PLXNC1: variants seen among roughly 807,000 people sequenced by gnomAD.
PLXNC1 encodes the protein plexin C1.
PLXNC1 carries 75 observed loss-of-function variants against 178.2 expected under a neutral mutation model. The observed-to-expected ratio is 0.42, with a 90% CI of 0.35 to 0.51. The LOEUF (loss-of-function observed/expected upper bound fraction) is 0.51, where lower values mean the gene tolerates loss of function less well. PLXNC1 is among the 20% of genes least tolerant of loss of function. The pLI is 0.02. For missense variants in PLXNC1, 1,503 were observed against 1,984.4 expected (o/e 0.76, Z 4.61); for synonymous variants, 790 against 779.9 (o/e 1.01, Z -0.22).
intron 5 of PLXNC1, among the ~76,000 whole-genome samples, chr12:94,215,717 A>T (rs2136012572): frequency 6.6e-6 from 1 of 152,294 alleles, no homozygotes; most frequent in South Asian, 2.1e-4. Flanking sequence ...AAGAGGAAAC[A>T]AAAATTATTT....
chr12:94,224,952 C>T (rs11838275), intron 7 of PLXNC1, among the ~76,000 whole-genome samples: 3,268 of 152,146 alleles, frequency 0.021, 124 homozygotes, highest in African/African-American at 0.074. Flanking sequence ...GGAATGGCTT[C>T]GGGAATTTGG....
intron 2 of PLXNC1, among the ~76,000 whole-genome samples, chr12:94,171,949 C>T (rs1309132041): frequency 1.3e-5 from 2 of 152,228 alleles, no homozygotes; most frequent in African/African-American, 4.8e-5. Flanking sequence ...AAGCCTCTCC[C>T]CTGTATCCTG....
At chr12:94,257,649 T>A (rs528681235) in intron 17 of PLXNC1, among the ~76,000 whole-genome samples, 13 of 152,176 alleles carry the variant, frequency 8.5e-5, no homozygotes, top group Non-Finnish European at 1.5e-4. Flanking sequence ...GGCGTGCACC[T>A]GTAATCCCAG....
chr12:94,168,111 T>C lies in PLXNC1; in HGVS notation c.1063-1042T>C, dbSNP rs183326711. 6.6e-5 allele frequency: 10 copies of C among 152,296 alleles called. No homozygotes were observed. In the East Asian group the frequency reaches 1.9e-3, roughly 29 times the overall value. 9.4% of individuals were successfully genotyped at this position (152,296 alleles called of 1,614,324 possible). On this transcript the variant is annotated intron_variant, in intron 1 of 30. Transcript: ENST00000258526. ...AAGTCTTAGCCTCCCCCTCCCCAAA[T>C]AGGGCGATTTTAGGAGTTGCTGTGT...
chr12:94,203,345 G>C (rs753093953), intron 4 of PLXNC1, among the ~76,000 whole-genome samples: 2 of 152,152 alleles, frequency 1.3e-5, no homozygotes, highest in Admixed American at 6.5e-5. Context: ...CATCTACAAG[G>C]CTCTGAGAAG....
intron 15 of PLXNC1, among the ~76,000 whole-genome samples, chr12:94,252,939 C>G (rs954335651): frequency 6.6e-6 from 1 of 152,100 alleles, no homozygotes. Flanking sequence ...TTGGCTGGGC[C>G]CGGTGGCTCA....
intron 4 of PLXNC1, among the ~76,000 whole-genome samples, chr12:94,192,271 G>A (rs1290640515): frequency 6.6e-6 from 1 of 152,150 alleles, no homozygotes; most frequent in Non-Finnish European, 1.5e-5. Context: ...TCGCATGCTA[G>A]CTGGGAAGGC....
intron 9 of PLXNC1, among the ~76,000 whole-genome samples, chr12:94,229,984 A>T (rs959662232): frequency 2.0e-5 from 3 of 152,228 alleles, no homozygotes; most frequent in Admixed American, 2.0e-4. Context: ...CTGCAAAACT[A>T]TAGCAAAACA....
chr12:94,262,520 C>T, intron 20 of PLXNC1: 1 of 985,494 alleles, frequency 1.0e-6, no homozygotes, highest in Non-Finnish European at 1.2e-6. Context: ...GTCAAGACTT[C>T]ACAGTGCTGA....
intron 6 of PLXNC1, among the ~76,000 whole-genome samples, chr12:94,223,918 A>G (rs1279284391): frequency 1.3e-5 from 2 of 152,138 alleles, no homozygotes. Flanking sequence ...AAGCTGAGAT[A>G]GTGATCCCTA....
At chr12:94,241,900 T>A (rs897886323) in intron 11 of PLXNC1, among the ~76,000 whole-genome samples, 7 of 151,638 alleles carry the variant, frequency 4.6e-5, no homozygotes, top group African/African-American at 1.7e-4. Context: ...ATCCTAACGA[T>A]ATTTTCTTTG....
intron 21 of PLXNC1, among the ~76,000 whole-genome samples, chr12:94,274,224 G>A (rs1449870019): frequency 1.3e-5 from 2 of 149,006 alleles, no homozygotes; most frequent in East Asian, 2.0e-4. Context: ...TGTAGTCTCT[G>A]CTATGTGGGA....
At chr12:94,240,186 C>T (rs1964350416) in intron 10 of PLXNC1, among the ~76,000 whole-genome samples, 1 of 152,188 alleles carries the variant, frequency 6.6e-6, no homozygotes, top group Non-Finnish European at 1.5e-5. Flanking sequence ...ATGTAACCCC[C>T]AGTTCATGTT....
At chr12:94,270,095 T>A (rs1256303444) in intron 21 of PLXNC1, among the ~76,000 whole-genome samples, 1 of 152,256 alleles carries the variant, frequency 6.6e-6, no homozygotes, top group Non-Finnish European at 1.5e-5. Flanking sequence ...TATTTATATT[T>A]GTACCCCTCA....
chr12:94,224,398 TC>T, intron 7 of PLXNC1, 83 bp downstream of exon 7: 1 of 851,784 alleles, frequency 1.2e-6, no homozygotes, highest in South Asian at 1.3e-5. Flanking sequence ...CCTAAAGAAC[TC>T]TTTTGTGAGA....
intron 9 of PLXNC1, among the ~76,000 whole-genome samples, chr12:94,232,155 C>T (rs1307114874): frequency 3.3e-5 from 5 of 152,110 alleles, no homozygotes; most frequent in African/African-American, 4.8e-5. Flanking sequence ...GGCACAATCT[C>T]GGCTCACTGC....
rs1041013237 is a variant in PLXNC1, at chr12:94,219,004, TATC to T, written c.1555-1009_1555-1007del. 1.8e-4 allele frequency among the ~76,000 whole-genome samples: 28 copies of T among 152,314 alleles called. 2 individuals are homozygous for T. The highest frequency in any genetic ancestry group is 5.8e-4 in the African/African-American group (24 of 41,572). On this transcript the variant is annotated intron_variant, in intron 5 of 30. Coordinates refer to ENST00000258526, the MANE Select transcript of PLXNC1 (RefSeq NM_005761.3). Reference sequence around the variant, plus strand: ...CATGTGTTTGGATGGGAATAATTAATATCATAAAGACAGAAATTTTTCTAACAT... The same window carrying T: ...CATGTGTTTGGATGGGAATAATTAATATAAAGACAGAAATTTTTCTAACAT...
rs953624244 is a variant in PLXNC1 at position 94,284,097 on chromosome 12, A to AG, written c.3879+1696_3879+1697insG. ...GACTCCATGTCAGGGGAAAAAAAAA[A>AG]AAAAAAAAAAAGCAGGGTTTGCAAA... On this transcript the variant is annotated intron_variant, in intron 23 of 30. Coordinates refer to ENST00000258526, the MANE Select transcript of PLXNC1 (RefSeq NM_005761.3). Among the ~76,000 whole-genome samples, 6 of 151,814 alleles carry AG rather than the reference A, an allele frequency of 4.0e-5. 2 individuals are homozygous for AG. The highest frequency in any genetic ancestry group is 1.4e-4 in the African/African-American group (6 of 41,394).
At chr12:94,254,942 T>C (rs998133478) in intron 16 of PLXNC1, 54 bp downstream of exon 16, 1 of 1,394,184 alleles carries the variant, frequency 7.2e-7, no homozygotes, top group Non-Finnish European at 1.0e-6. Context: ...TTTATACTTT[T>C]ATTTTTTTAC....
Sources: allele counts gnomAD v4.1 joint callset (sites outside exome capture counted in the v4.1 genomes callset), GRCh38; gene constraint gnomAD v4.1.1; transcripts MANE v1.5; gene names NCBI Gene and HGNC (gene_info 2026-07-23, HGNC 2026-07-21).